The following EDNRA variants were observed in gnomAD, a reference collection of about 807,000 sequenced individuals.
EDNRA encodes the protein endothelin-1 receptor.
A neutral mutation model predicts 41.4 loss-of-function variants in EDNRA; 11 were observed. The observed-to-expected ratio is 0.27, with a 90% CI of 0.17 to 0.44. The LOEUF (loss-of-function observed/expected upper bound fraction) is 0.44, where lower values mean the gene tolerates loss of function less well. Ranked by LOEUF, EDNRA falls within the 20% of genes least tolerant of loss-of-function variation. EDNRA has a pLI of 1.00. For synonymous variants in EDNRA, 172 were observed against 183.0 expected, an observed-to-expected ratio of 0.94 and a Z score of 0.49; for missense variants, 294 against 531.0, an observed-to-expected ratio of 0.55 and a Z score of 4.39.
intron 2 of EDNRA, among the ~76,000 whole-genome samples, chr4:147,504,373 G>A (rs1287465462): frequency 3.3e-5 from 5 of 152,130 alleles, no homozygotes; most frequent in East Asian, 1.9e-4. Flanking sequence ...GATATTGGCC[G>A]TTACGAATTA....
intron 1 of EDNRA, among the ~76,000 whole-genome samples, chr4:147,484,013 A>C (rs1276099602): frequency 2.0e-5 from 3 of 152,102 alleles, no homozygotes; most frequent in African/African-American, 4.8e-5. Flanking sequence ...GAGCCACCAC[A>C]CCCAACCAGG....
intron 4 of EDNRA, among the ~76,000 whole-genome samples, chr4:147,535,401 A>G (rs947604373): frequency 1.3e-5 from 2 of 152,212 alleles, no homozygotes; most frequent in African/African-American, 4.8e-5. Context: ...AGCTACACAG[A>G]TAAGCCATTC....
intron 3 of EDNRA, among the ~76,000 whole-genome samples, chr4:147,522,152 A>G (rs184494212): frequency 2.0e-4 from 31 of 152,348 alleles, no homozygotes; most frequent in African/African-American, 3.6e-4. Flanking sequence ...AAAGCATGTT[A>G]AAGTCTTCTG....
At chr4:147,492,781 A>T (rs1729183473) in intron 2 of EDNRA, 1 of 152,188 alleles carries the variant, frequency 6.6e-6, no homozygotes. Context: ...TGTACATATA[A>T]AATGACAGAG....
intron 2 of EDNRA, chr4:147,506,232 C>G (rs565574283): frequency 3.9e-6 from 2 of 516,006 alleles, no homozygotes; most frequent in Admixed American, 4.0e-5. Flanking sequence ...TGATATTGGC[C>G]GAAAAGCAGC....
intron 2 of EDNRA, chr4:147,488,041 A>G (rs1213645349): frequency 1.3e-5 from 2 of 152,238 alleles, no homozygotes; most frequent in East Asian, 3.8e-4. Flanking sequence ...TTCAGCCATC[A>G]GAGTGTGGAG....
chr4:147,539,700 T>C, intron 5 of EDNRA, 117 bp from the exon 6 acceptor site: 4 of 1,225,252 alleles, frequency 3.3e-6, no homozygotes, highest in Non-Finnish European at 4.5e-6. Flanking sequence ...GCTGTTCTCC[T>C]GGCTCTTCTT....
intron 4 of EDNRA, among the ~76,000 whole-genome samples, chr4:147,534,087 C>T (rs1024485834): frequency 1.3e-5 from 2 of 152,182 alleles, no homozygotes; most frequent in African/African-American, 4.8e-5. Flanking sequence ...CAAAGAGATG[C>T]ATTACCCATT....
intron 3 of EDNRA, among the ~76,000 whole-genome samples, chr4:147,527,899 C>T (rs1053501544): frequency 6.6e-6 from 1 of 152,214 alleles, no homozygotes; most frequent in African/African-American, 2.4e-5. Context: ...AAGATGCCAG[C>T]TCTCAGGTTC....
At chr4:147,542,392 C>T in intron 7 of EDNRA, 86 bp from the exon 8 acceptor site, 1 of 1,565,002 alleles carries the variant, frequency 6.4e-7, no homozygotes, top group Non-Finnish European at 8.7e-7. Context: ...GACATTTGCC[C>T]CTCATTAGCA....
chr4:147,540,271 A>AAT, intron 6 of EDNRA, 106 bp from the exon 7 acceptor site: 1 of 986,244 alleles, frequency 1.0e-6, no homozygotes, highest in Non-Finnish European at 1.5e-6. Context: ...CACCCATACG[A>AAT]AATGGCTTCT....
chr4:147,536,709 A>G (rs952162413), intron 5 of EDNRA, among the ~76,000 whole-genome samples: 3 of 152,348 alleles, frequency 2.0e-5, no homozygotes, highest in African/African-American at 7.2e-5. Flanking sequence ...GATCATGTAC[A>G]TTAGAAGAGG....
chr4:147,488,559 T>C (rs1729021479), intron 2 of EDNRA: 1 of 152,160 alleles, frequency 6.6e-6, no homozygotes, highest in Admixed American at 6.5e-5. Flanking sequence ...AATGAGTCAT[T>C]TAACTATCAT....
chr4:147,513,736 C>CT lies in EDNRA; in HGVS notation c.421-6112dup, dbSNP rs535875629. On this transcript the variant is annotated intron_variant, in intron 2 of 7. Coordinates refer to ENST00000651419, the MANE Select transcript of EDNRA (RefSeq NM_001957.4). ...TGAAGGGAAGAGAAGGTTTTCCTTG[C>CT]TTTGAGGTTTGCAGCTATTACAGAC... Among the ~76,000 whole-genome samples, 6 of 152,282 alleles carry CT rather than the reference C, an allele frequency of 3.9e-5. No homozygotes were observed. The South Asian group carries it at 1.2e-3, about 32-fold the overall frequency.
chr4:147,483,723 A>ATTT (rs1338857662), intron 1 of EDNRA, among the ~76,000 whole-genome samples: 3 of 114,752 alleles, frequency 2.6e-5, no homozygotes, highest in Non-Finnish European at 1.7e-5. Flanking sequence ...TTATTTATTT[A>ATTT]ATTTTTTTTT....
At chr4:147,490,148 CA>C in intron 2 of EDNRA, 1 of 25,182 alleles carries the variant, frequency 4.0e-5, no homozygotes, top group South Asian at 1.5e-3. Flanking sequence ...TACATACACT[CA>C]CACACACACA....
rs1239230050 is a variant in EDNRA, at chr4:147,486,821, A to G, written c.420+720A>G. Among the ~76,000 whole-genome samples the G allele has an allele frequency of 6.6e-6, 1 of 152,132 alleles. No homozygotes were observed. Among genetic ancestry groups the G allele is most frequent in the Non-Finnish European group, 1.5e-5 (1 of 68,028 alleles). ...GCAGTAAGGAACCAAAAAGAAACACAACAAAGTCAGTGCCTCAGTGTGAGA... is the reference window on the plus strand; with the variant it reads ...GCAGTAAGGAACCAAAAAGAAACACGACAAAGTCAGTGCCTCAGTGTGAGA... On this transcript the variant is annotated intron_variant, in intron 2 of 7. Coordinates refer to ENST00000651419, the MANE Select transcript of EDNRA (RefSeq NM_001957.4). The surrounding 1 kb of genome is among the most constrained non-coding windows in gnomAD (Gnocchi z 4.3).
In EDNRA at chr4:147,520,059, C is replaced by T. The variant is rs146311288; in HGVS notation, c.548+81C>T. ...AAAAAGAAGAAAAGTCAAGAGAATT[C>T]GTGCCCAGGACAGCTGTTGATTAGC... On this transcript the variant is annotated intron_variant, in intron 3 of 7. Transcript: ENST00000651419. 566 of 1,515,662 alleles carry T rather than the reference C, an allele frequency of 3.7e-4. 9 individuals carry two copies. In the East Asian group the frequency reaches 0.012, roughly 31 times the overall value. 93.9% of individuals were successfully genotyped at this position (1,515,662 alleles called of 1,614,324 possible).
At chr4:147,523,621 G>A (rs1011766923) in intron 3 of EDNRA, among the ~76,000 whole-genome samples, 9 of 151,726 alleles carry the variant, frequency 5.9e-5, no homozygotes, top group East Asian at 1.9e-4. Flanking sequence ...TTCCCGAGTA[G>A]CTGGGACTAC....
Sources: allele counts gnomAD v4.1 joint callset (sites outside exome capture counted in the v4.1 genomes callset), GRCh38; gene constraint gnomAD v4.1.1; non-coding constraint Gnocchi (gnomAD v3.1); transcripts MANE v1.5; gene names NCBI Gene and HGNC (gene_info 2026-07-23, HGNC 2026-07-21).